The following CELSR3 variants were observed in gnomAD, a reference collection of about 807,000 sequenced individuals.
The protein encoded by CELSR3 is EGF-like protein 1.
Under a neutral mutation model 270.0 loss-of-function variants are expected in CELSR3, and 73 were observed. The observed-to-expected ratio is 0.27, with a 90% confidence interval of 0.22 to 0.33. The LOEUF (loss-of-function observed/expected upper bound fraction) is 0.33, where lower values mean the gene tolerates loss of function less well. Among genes scored for constraint, CELSR3 ranks in the 10% least tolerant of loss-of-function variants. The probability of loss-of-function intolerance (pLI) is 1.00; values close to 1 mark genes in which losing one functional copy is unlikely to be tolerated. For missense variants in CELSR3, 3,614 were observed against 4,533.8 expected (o/e 0.80, Z 5.83); for synonymous variants, 1,780 against 1,905.4 (o/e 0.93, Z 1.71).
Position 48,654,054 on chromosome 3 carries a change from A to C in CELSR3, c.5153-51T>G. 6.3e-7 allele frequency: 1 copy of C among 1,599,766 alleles called. No individual in the cohort carries two copies. Among genetic ancestry groups the C allele is most frequent in the South Asian group, 1.1e-5 (1 of 90,468 alleles). On this transcript the variant is annotated intron_variant, in intron 7 of 34. Transcript: ENST00000164024. This position sits in a 1 kb window ranked among gnomAD's most constrained non-coding sequence, Gnocchi z 5.4. ...CATGAGAACAAGGGTTGGGGGGCAC[A>C]AGTGCTGGACAGGACTTTAGTGTCC...
intron 20 of CELSR3, among the ~76,000 whole-genome samples, 133 bp downstream of exon 20, chr3:48,647,684 GGAGGGGAAATATGGGAGGGAGGGT>G: frequency 7.7e-6 from 1 of 129,852 alleles, no homozygotes; most frequent in Non-Finnish European, 1.7e-5. Context: ...GAGGGAGGGT[GGAGGGGAAATATGGGAGGGAGGGT>G]GGAGGGGAGA....
At chr3:48,656,085 A>C in intron 3 of CELSR3, 55 bp downstream of exon 3, 2 of 1,086,160 alleles carry the variant, frequency 1.8e-6, no homozygotes, top group Non-Finnish European at 2.3e-6. Flanking sequence ...AATCTGAGTC[A>C]GGGCGGGTAG....
Position 48,655,372 on chromosome 3 carries a change from G to T in CELSR3, c.4764C>A (p.Ser1588Arg). The stretch of plus-strand genomic sequence containing the variant: ...CACTCAAGCCCCCTGGAACTGTGGG[G>T]CTGACCACGGTGTTGGATTCACCTG... The part of the protein sequence containing the change: ...YSTGESNTVV[S>R]PTVPGGLSDG... The change falls in exon 5 of 35, where the codon AGC becomes AGA. Residue 1588 changes from serine (S) to arginine (R), a missense_variant. Ser to Arg is a moderately radical substitution (Grantham distance 110). Around this residue, in one of 7 missense-constraint regions of CELSR3, gnomAD observed 1,331 missense variants for 1,933.7 expected, o/e 0.69. Coordinates refer to ENST00000164024, the MANE Select transcript of CELSR3 (RefSeq NM_001407.3). The surrounding 1 kb of genome is among the most constrained non-coding windows in gnomAD (Gnocchi z 5.8). The T allele has an allele frequency of 1.2e-6, 2 of 1,614,104 alleles. No homozygotes were observed. The highest frequency in any genetic ancestry group is 1.7e-6 in the Non-Finnish European group (2 of 1,179,986).
Position 48,642,436 on chromosome 3 carries a change from C to T in CELSR3, c.8587G>A (p.Ala2863Thr), listed in dbSNP as rs758226405. The T allele has an allele frequency of 4.2e-5, 67 of 1,612,984 alleles. No homozygotes were observed. The highest frequency in any genetic ancestry group is 5.0e-5 in the Admixed American group (3 of 59,966). Residue 2863 changes from alanine to threonine, a missense_variant, in exon 31 of 35, where the codon GCT becomes ACT. Ala to Thr is a moderately conservative substitution (Grantham distance 58). Around this residue, in one of 7 missense-constraint regions of CELSR3, gnomAD observed 1,240 missense variants for 1,351.7 expected, o/e 0.92. Transcript: ENST00000164024. This position sits in a 1 kb window ranked among gnomAD's most constrained non-coding sequence, Gnocchi z 6.1. ...DNVLVRHGSA[A>T]DHTDHSLQAH... ...TGGAGGCTGTGGTCAGTGTGGTCAG[C>T]GGCTGAGCCATGTCGAACCAGGACA... is the stretch of plus-strand genomic sequence containing the variant.
chr3:48,644,251 G>A lies in CELSR3; in HGVS notation c.8130C>T (p.Ser2710=), dbSNP rs138052127. The change falls in exon 27 of 35, where the codon TCC becomes TCT. Residue 2710 remains serine, a synonymous_variant. Coordinates refer to ENST00000164024, the MANE Select transcript of CELSR3 (RefSeq NM_001407.3). The surrounding 1 kb of genome is among the most constrained non-coding windows in gnomAD (Gnocchi z 4.8). The part of the protein sequence containing the change: ...MFLLAARTSC[S]TGQREAKKTS... ...TCTTCTTGGCCTCCCTCTGCCCTGT[G>A]GAGCAGGATGTGCGGGCAGCGAGGA... 3.1e-6 allele frequency: 5 copies of A among 1,613,080 alleles called. No individual in the cohort carries two copies. The highest frequency in any genetic ancestry group is 4.2e-6 in the Non-Finnish European group (5 of 1,179,944).
chr3:48,661,024 G>A lies in CELSR3; in HGVS notation c.1611C>T (p.Asp537=), dbSNP rs1190275035. The A allele has an allele frequency of 3.7e-6, 6 of 1,613,754 alleles. No individual in the cohort carries two copies. The Admixed American group carries it at 5.0e-5, about 13-fold the overall frequency. ...TGAACTGAGGAGCATTGTCGTTCTC[G>A]TCTAGCACAGTTATGTGTACGCGCA... ...ATVRVHITVL[D]ENDNAPQFSE... is the part of the protein sequence containing the mutation. Residue 537 remains aspartate, a synonymous_variant, in exon 1 of 35, where the codon GAC becomes GAT. Coordinates refer to ENST00000164024, the MANE Select transcript of CELSR3 (RefSeq NM_001407.3).
Position 48,656,163 on chromosome 3 carries a change from T to C in CELSR3, c.4602A>G (p.Arg1534=). 6.5e-7 allele frequency: 1 copy of C among 1,536,998 alleles called. No homozygotes were observed. The highest frequency in any genetic ancestry group is 1.2e-5 in the South Asian group (1 of 84,118). Residue 1534 remains arginine (R), a synonymous_variant, in exon 3 of 35, where the codon CGA becomes CGG. Transcript: ENST00000164024. ...SFVMFRGLRQ[R]FHLTLSLSFA... is the part of the protein sequence containing the mutation. The stretch of plus-strand genomic sequence containing the variant: ...ACGAGAGGGACAGCGTAAGGTGGAA[T>C]CGCTGCCGCAGGCCGCGAAACATGA...
rs377726340 is a variant in CELSR3 at position 48,639,770 on chromosome 3, G to A, written c.9815C>T (p.Thr3272Ile). The A allele has an allele frequency of 6.2e-7, 1 of 1,613,808 alleles. No individual in the cohort carries two copies. Among genetic ancestry groups the A allele is most frequent in the South Asian group, 1.1e-5 (1 of 91,080 alleles). ...QSSSTPLGPH[T>I]TATPSATASV... is the part of the protein sequence containing the mutation. ...GGCTGTGGCAGAAGGTGTGGCAGTGGTGTGAGGGCCCAAGGGTGTGCTTGA... is the reference window on the plus strand; with the variant it reads ...GGCTGTGGCAGAAGGTGTGGCAGTGATGTGAGGGCCCAAGGGTGTGCTTGA... The change falls in exon 34 of 35, where the codon ACC (threonine) becomes ATC (isoleucine). Residue 3272 changes from threonine (T) to isoleucine (I), a missense_variant. This residue lies in a region of CELSR3 where 1,240 missense variants were observed against 1,351.7 expected (regional missense o/e 0.92). Coordinates refer to ENST00000164024, the MANE Select transcript of CELSR3 (RefSeq NM_001407.3). The surrounding 1 kb of genome is among the most constrained non-coding windows in gnomAD (Gnocchi z 4.1).
At chr3:48,656,590 A>G (rs2077023786) in intron 2 of CELSR3, 108 bp downstream of exon 2, 2 of 1,369,326 alleles carry the variant, frequency 1.5e-6, no homozygotes, top group Admixed American at 3.0e-5. Flanking sequence ...AAGCGCGTCC[A>G]TACCAGGCCG....
chr3:48,640,557 T>A lies in CELSR3; in HGVS notation c.9028A>T (p.Ile3010Phe). The A allele has an allele frequency of 6.4e-7, 1 of 1,555,612 alleles. No individual in the cohort carries two copies. The highest frequency in any genetic ancestry group is 8.7e-7 in the Non-Finnish European group (1 of 1,145,258). ...LGRAQRQRKGILKNRLQYPLV... is the reference protein window; with the variant it reads ...LGRAQRQRKGFLKNRLQYPLV... ...GGGTATTGCAACCGGTTCTTCAGGATGCCTGTGAGAGGAAGAAAATGGGGG... is the reference window on the plus strand; with the variant it reads ...GGGTATTGCAACCGGTTCTTCAGGAAGCCTGTGAGAGGAAGAAAATGGGGG... Residue 3010 changes from isoleucine (I) to phenylalanine (F), a missense_variant and splice_region_variant, in exon 34 of 35, where the codon ATC becomes TTC. Transcript: ENST00000164024. The surrounding 1 kb of genome is among the most constrained non-coding windows in gnomAD (Gnocchi z 7.5).
In CELSR3 at chr3:48,656,361, C is replaced by T. The variant is rs988830701; in HGVS notation, c.4404G>A (p.Glu1468=). ...TCVCRPRFTG[E]DCELDTEAGR... is the part of the protein sequence containing the mutation. The stretch of plus-strand genomic sequence containing the variant: ...CGGCCTCGGTGTCCAGCTCGCAGTC[C>T]TCTCCTGGGGGCCAAGCCGCGGTCA... The change falls in exon 3 of 35, where the codon GAG becomes GAA. Residue 1468 remains glutamate, a synonymous_variant. Coordinates refer to ENST00000164024, the MANE Select transcript of CELSR3 (RefSeq NM_001407.3). The T allele has an allele frequency of 3.5e-6, 5 of 1,421,786 alleles. No individual in the cohort carries two copies. The highest frequency in any genetic ancestry group is 4.5e-6 in the Non-Finnish European group (5 of 1,102,380). The allele number at this position is 1,421,786 out of a possible 1,614,324, so 88.1% of individuals were successfully genotyped here.
chr3:48,648,238 G>GGCCCCCCCCCACC, intron 19 of CELSR3, 28 bp downstream of exon 19: 5 of 1,342,608 alleles, frequency 3.7e-6, no homozygotes, highest in Non-Finnish European at 5.3e-6. Context: ...CCCCTGCTGT[G>GGCCCCCCCCCACC]CCCCGCCCTA....
At position 48,658,796 on chromosome 3, in the gene CELSR3, A is replaced by G; in HGVS notation, c.3748+91T>C. 6.7e-7 allele frequency: 1 copy of G among 1,496,084 alleles called. No homozygotes were observed. Among genetic ancestry groups the G allele is most frequent in the Non-Finnish European group, 9.1e-7 (1 of 1,100,628 alleles). 92.7% of individuals were successfully genotyped at this position (1,496,084 alleles called of 1,614,324 possible). On this transcript the variant is annotated intron_variant, in intron 1 of 34. Coordinates refer to ENST00000164024, the MANE Select transcript of CELSR3 (RefSeq NM_001407.3). The surrounding 1 kb of genome is among the most constrained non-coding windows in gnomAD (Gnocchi z 4.7). ...CTTAAGGGGTTCTTGGAAGGCTTAG[A>G]AATCCCTCTTTGGTTTGAGGTGCCC...
Position 48,656,876 on chromosome 3 carries a change from G to A in CELSR3, c.4221C>T (p.Ser1407=), listed in dbSNP as rs1281614911. The change falls in exon 2 of 35, where the codon TCC becomes TCT. Residue 1407 remains serine, a synonymous_variant. Coordinates refer to ENST00000164024, the MANE Select transcript of CELSR3 (RefSeq NM_001407.3). Reference sequence around the variant, plus strand: ...TGGGCTGGATGGGTCGGAACAGCGTGGAGGCCGAGGCCAGGAAGGGCGCGG... The same window carrying A: ...TGGGCTGGATGGGTCGGAACAGCGTAGAGGCCGAGGCCAGGAAGGGCGCGG... ...DSSAPFLASA[S]TLFRPIQPIA... The A allele has an allele frequency of 6.2e-7, 1 of 1,609,590 alleles. No individual in the cohort carries two copies. The highest frequency in any genetic ancestry group is 2.2e-5 in the East Asian group (1 of 44,754).
rs1240563122 is a variant in CELSR3, at chr3:48,655,791, G to A, written c.4686C>T (p.His1562=). The A allele has an allele frequency of 2.5e-6, 4 of 1,610,864 alleles. No individual in the cohort carries two copies. The Admixed American group carries it at 5.0e-5, about 20-fold the overall frequency. The change falls in exon 4 of 35, where the codon CAC becomes CAT. Residue 1562 remains histidine, a synonymous_variant. Coordinates refer to ENST00000164024, the MANE Select transcript of CELSR3 (RefSeq NM_001407.3). The surrounding 1 kb of genome is among the most constrained non-coding windows in gnomAD (Gnocchi z 5.8). ...CCACGAGTTCCAGGGCCAGGAAGTC[G>A]TGCTTCTCGTTCAGGCGCCCGTTGT... The part of the protein sequence containing the change: ...LFYNGRLNEK[H]DFLALELVAG...
In CELSR3 at chr3:48,651,738, G is replaced by C. The variant is rs775625655; in HGVS notation, c.5924-20C>G. 1 of 1,535,158 alleles carries C rather than the reference G, an allele frequency of 6.5e-7. No homozygotes were observed. Among genetic ancestry groups the C allele is most frequent in the Non-Finnish European group, 8.7e-7 (1 of 1,143,630 alleles). ...AGTAACCTGCAGATTGGGTCAGAAAGCTCAGGATCCTGGTCGCAGAGCATG... is the reference window on the plus strand; with the variant it reads ...AGTAACCTGCAGATTGGGTCAGAAACCTCAGGATCCTGGTCGCAGAGCATG... On this transcript the variant is annotated intron_variant, in intron 12 of 34. Coordinates refer to ENST00000164024, the MANE Select transcript of CELSR3 (RefSeq NM_001407.3). The surrounding 1 kb of genome is among the most constrained non-coding windows in gnomAD (Gnocchi z 7.4).
chr3:48,640,353 G>A lies in CELSR3; in HGVS notation c.9232C>T (p.Arg3078Trp), dbSNP rs773449883. Reference protein sequence around the residue: ...SREQLDLLLRRQLSRERLEEA... With the variant: ...SREQLDLLLRWQLSRERLEEA... ...TCTAGTCGCTCACGGCTCAGTTGCC[G>A]CCGGAGGAGCAGGTCCAGCTGTTCT... The change falls in exon 34 of 35, where the codon CGG becomes TGG. Residue 3078 changes from arginine (R) to tryptophan (W), a missense_variant. Arg to Trp is a moderately radical substitution (Grantham distance 101). Coordinates refer to ENST00000164024, the MANE Select transcript of CELSR3 (RefSeq NM_001407.3). The surrounding 1 kb of genome is among the most constrained non-coding windows in gnomAD (Gnocchi z 7.5). 9.3e-6 allele frequency: 15 copies of A among 1,612,502 alleles called. No individual in the cohort carries two copies. Among genetic ancestry groups the A allele is most frequent in the East Asian group, 2.2e-5 (1 of 44,886 alleles).
chr3:48,654,969 G>A lies in CELSR3; in HGVS notation c.4988+75C>T, dbSNP rs2047167463. 2.1e-6 allele frequency: 3 copies of A among 1,413,748 alleles called. No individual in the cohort carries two copies. The highest frequency in any genetic ancestry group is 4.6e-5 in the East Asian group (2 of 43,744). The allele number at this position is 1,413,748 out of a possible 1,614,324, so 87.6% of individuals were successfully genotyped here. On this transcript the variant is annotated intron_variant, in intron 6 of 34. Transcript: ENST00000164024. This position sits in a 1 kb window ranked among gnomAD's most constrained non-coding sequence, Gnocchi z 5.4. Reference sequence around the variant, plus strand: ...ATGGGAGAGTTTGGCAGGATGGGATGAGGAATGGGATGTGAAGGGTTGGAG... The same window carrying A: ...ATGGGAGAGTTTGGCAGGATGGGATAAGGAATGGGATGTGAAGGGTTGGAG...
chr3:48,648,473 G>A lies in CELSR3; in HGVS notation c.6778-12C>T. 6.5e-7 allele frequency: 1 copy of A among 1,529,436 alleles called. No individual in the cohort carries two copies. 94.7% of individuals were successfully genotyped at this position (1,529,436 alleles called of 1,614,324 possible). ...GCCCACAGCAGATTCTGGGAAGACAGAGATAGAATTGGGTTCAGCCAGGTG... is the reference window on the plus strand; with the variant it reads ...GCCCACAGCAGATTCTGGGAAGACAAAGATAGAATTGGGTTCAGCCAGGTG... On this transcript the variant is annotated splice_polypyrimidine_tract_variant and intron_variant, in intron 18 of 34. Coordinates refer to ENST00000164024, the MANE Select transcript of CELSR3 (RefSeq NM_001407.3).
Sources: gnomAD v4.1 joint callset for allele counts (sites outside exome capture counted in the v4.1 genomes callset) on GRCh38, gnomAD v4.1.1 for gene constraint, gnomAD v4.1.1 regional missense constraint, Gnocchi (gnomAD v3.1) non-coding constraint, MANE v1.5 for transcripts, NCBI Gene and HGNC (gene_info 2026-07-23, HGNC 2026-07-21) for gene names.